Variants in BORCS5 observed in about 807,000 individuals in gnomAD.
The protein encoded by BORCS5 is BLOC-1 related complex subunit 5.
BORCS5 carries 17 observed loss-of-function variants against 22.1 expected under a neutral mutation model. That is an observed-to-expected ratio of 0.77 (90% CI 0.53 to 1.15). The LOEUF (loss-of-function observed/expected upper bound fraction) is 1.15, where lower values mean the gene tolerates loss of function less well. BORCS5 is among the 50% of genes most tolerant of loss of function. The probability of loss-of-function intolerance (pLI) is 0.00; values close to 1 mark genes in which losing one functional copy is unlikely to be tolerated. For missense variants in BORCS5, 247 were observed against 253.2 expected, an observed-to-expected ratio of 0.98 and a Z score of 0.17; for synonymous variants, 117 against 99.8, an observed-to-expected ratio of 1.17 and a Z score of -1.03.
chr12:12,408,778 T>C (rs752482579), intron 2 of BORCS5, among the ~76,000 whole-genome samples: 1 of 152,220 alleles, frequency 6.6e-6, no homozygotes, highest in Non-Finnish European at 1.5e-5. Flanking sequence ...AAAAATATTA[T>C]TCAGTCTTAA....
chr12:12,422,872 T>A (rs565186948), intron 2 of BORCS5, among the ~76,000 whole-genome samples: 1 of 152,254 alleles, frequency 6.6e-6, no homozygotes, highest in Non-Finnish European at 1.5e-5. Context: ...TAGACTAATT[T>A]TTTTTAATGT....
chr12:12,395,707 T>C (rs1209039694), intron 2 of BORCS5, among the ~76,000 whole-genome samples: 2 of 151,996 alleles, frequency 1.3e-5, no homozygotes, highest in African/African-American at 4.8e-5. Context: ...GAGCAGGGTA[T>C]TAACATGTTG....
At chr12:12,394,963 T>C (rs1941297282) in intron 2 of BORCS5, among the ~76,000 whole-genome samples, 1 of 152,068 alleles carries the variant, frequency 6.6e-6, no homozygotes, top group African/African-American at 2.4e-5. Context: ...TAAACTCAGG[T>C]CTGTCATAGT....
chr12:12,459,344 C>G (rs1012187398), intron 3 of BORCS5, among the ~76,000 whole-genome samples: 6 of 149,838 alleles, frequency 4.0e-5, no homozygotes, highest in Admixed American at 1.3e-4. Flanking sequence ...GGGTTTTGCT[C>G]TTGTTGCCCA....
At position 12,438,385 on chromosome 12, in the gene BORCS5, A is replaced by ACAC. The variant is rs1257519800; in HGVS notation, c.360+2600_360+2601insCAC. Among the ~76,000 whole-genome samples the ACAC allele has an allele frequency of 1.2e-3, 154 of 126,120 alleles. 4 individuals carry two copies. The highest frequency in any genetic ancestry group is 4.9e-3 in the African/African-American group (150 of 30,544). The allele number at this position is 126,120 out of a possible 152,430, so 82.7% of individuals were successfully genotyped here. A position where few individuals can be genotyped will look rare whatever the true frequency, so the allele number is the denominator to read the frequency against. ...CAAAAAAAAAAAAAAAAAAAACGAA[A>ACAC]AACAACAACAAAAACCTCTAATCCA... On this transcript the variant is annotated intron_variant, in intron 3 of 3. Transcript: ENST00000314565.
Position 12,470,195 on chromosome 12 carries a change from C to T in BORCS5, c.*4419C>T, listed in dbSNP as rs575852826. Among the ~76,000 whole-genome samples the T allele has an allele frequency of 1.1e-4, 17 of 152,284 alleles. No individual in the cohort carries two copies. The East Asian group carries it at 1.9e-3, about 17-fold the overall frequency. On this transcript the variant is annotated 3_prime_UTR_variant, in exon 4 of 4. Coordinates refer to ENST00000314565, the MANE Select transcript of BORCS5 (RefSeq NM_058169.6). ...AAGCAGTTATACTGTCTCAGCCTCC[C>T]GAGTAGCTGGGACTACAGGTGCCCG... is the stretch of plus-strand genomic sequence containing the variant.
chr12:12,375,076 A>G (rs149890625), intron 2 of BORCS5, among the ~76,000 whole-genome samples: 1,950 of 151,520 alleles, frequency 0.013, 44 homozygotes, highest in African/African-American at 0.045. Flanking sequence ...CAATGGCGCC[A>G]TCTTGGCTCA....
chr12:12,408,977 T>C (rs964000160), intron 2 of BORCS5, among the ~76,000 whole-genome samples: 2 of 152,176 alleles, frequency 1.3e-5, no homozygotes, highest in Non-Finnish European at 2.9e-5. Context: ...CTGGATCATA[T>C]AGTAATTTTA....
rs1309009274 is a variant in BORCS5 at position 12,468,837 on chromosome 12, T to C, written c.*3061T>C. On this transcript the variant is annotated 3_prime_UTR_variant, in exon 4 of 4. Transcript: ENST00000314565. ...GTCAAAGTGGAAGGTTGGTAGAAAC[T>C]GGCCTTCATGTCTTTGTTTCCCTCA... The C allele has an allele frequency of 6.6e-6, 1 of 152,250 alleles. No homozygotes were observed. The highest frequency in any genetic ancestry group is 2.4e-5 in the African/African-American group (1 of 41,466). The allele number at this position is 152,250 out of a possible 1,614,324, so 9.4% of individuals were successfully genotyped here. A position where few individuals can be genotyped will look rare whatever the true frequency, so the allele number is the denominator to read the frequency against.
At chr12:12,462,660 T>TTTA (rs148250196) in intron 3 of BORCS5, among the ~76,000 whole-genome samples, 4 of 150,952 alleles carry the variant, frequency 2.6e-5, no homozygotes, top group East Asian at 1.9e-4. Context: ...ATTTATTTTA[T>TTTA]TTTATTTATT....
At chr12:12,366,332 G>A (rs907979387) in intron 2 of BORCS5, among the ~76,000 whole-genome samples, 8 of 152,182 alleles carry the variant, frequency 5.3e-5, no homozygotes, top group African/African-American at 1.9e-4. Flanking sequence ...GTGGCTGGGC[G>A]AGTTTGGGGC....
At chr12:12,426,782 C>T (rs1942297979) in intron 2 of BORCS5, among the ~76,000 whole-genome samples, 1 of 152,230 alleles carries the variant, frequency 6.6e-6, no homozygotes, top group Admixed American at 6.5e-5. Context: ...TGTCCAGATT[C>T]ACACAGCTAA....
At chr12:12,429,653 G>A (rs1942371674) in intron 2 of BORCS5, among the ~76,000 whole-genome samples, 1 of 152,108 alleles carries the variant, frequency 6.6e-6, no homozygotes, top group African/African-American at 2.4e-5. Context: ...ATTAGACCTG[G>A]CAACCTTCTC....
intron 2 of BORCS5, among the ~76,000 whole-genome samples, chr12:12,412,665 AGTG>A (rs1346127303): frequency 6.6e-6 from 1 of 152,116 alleles, no homozygotes; most frequent in Non-Finnish European, 1.5e-5. Context: ...GTTGAATAGA[AGTG>A]GTGAAAACAG....
chr12:12,420,555 C>A (rs566377091), intron 2 of BORCS5, among the ~76,000 whole-genome samples: 1,662 of 152,138 alleles, frequency 0.011, 16 homozygotes, highest in Middle Eastern at 0.044. Context: ...TATGAACTTT[C>A]AAGTAGTTTT....
At position 12,378,756 on chromosome 12, in the gene BORCS5, T is replaced by C. The variant is rs552253127; in HGVS notation, c.202+17407T>C. Among the ~76,000 whole-genome samples the C allele has an allele frequency of 8.3e-4, 125 of 151,384 alleles. 4 individuals are homozygous for C. The highest frequency in any genetic ancestry group is 2.9e-3 in the African/African-American group (121 of 41,216). On this transcript the variant is annotated intron_variant, in intron 2 of 3. Coordinates refer to ENST00000314565, the MANE Select transcript of BORCS5 (RefSeq NM_058169.6). ...GTGTTAATTTCCTGGTTTTGATCAT[T>C]GTATTGCAGTTACATACTATGTTAA...
intron 3 of BORCS5, among the ~76,000 whole-genome samples, chr12:12,462,267 C>A (rs1370983106): frequency 1.3e-5 from 2 of 152,220 alleles, no homozygotes; most frequent in Non-Finnish European, 2.9e-5. Context: ...TAAGTGGCCA[C>A]TCTTGTTATC....
intron 2 of BORCS5, among the ~76,000 whole-genome samples, chr12:12,429,502 A>G (rs1942369270): frequency 6.6e-6 from 1 of 152,158 alleles, no homozygotes; most frequent in African/African-American, 2.4e-5. Flanking sequence ...GCACATTCTG[A>G]GGATAGAGTC....
intron 2 of BORCS5, among the ~76,000 whole-genome samples, chr12:12,383,651 G>C (rs1209301612): frequency 6.7e-6 from 1 of 149,376 alleles, no homozygotes; most frequent in Admixed American, 6.7e-5. Flanking sequence ...ATTTTTGGTT[G>C]ACAATTTTTT....
Sources: allele counts gnomAD v4.1 joint callset (sites outside exome capture counted in the v4.1 genomes callset), GRCh38; gene constraint gnomAD v4.1.1; transcripts MANE v1.5; gene names NCBI Gene and HGNC (gene_info 2026-07-23, HGNC 2026-07-21).